SMIM3: variants seen among roughly 807,000 people sequenced by gnomAD.
SMIM3 encodes NGF-induced differentiation clone 67 protein.
A neutral mutation model predicts 2.1 loss-of-function variants in SMIM3; 4 were observed. The observed-to-expected ratio is 1.89, with a 90% CI of 0.93 to 4.31. The LOEUF (loss-of-function observed/expected upper bound fraction) is 4.31. SMIM3 is among the 30% of genes most tolerant of loss of function. The pLI, the probability that SMIM3 is intolerant of heterozygous loss-of-function variation, is 0.01. For missense variants in SMIM3, 79 were observed against 77.7 expected (o/e 1.02, Z -0.06); for synonymous variants, 29 against 30.8 (o/e 0.94, Z 0.19).
At chr5:150,787,531 C>A (rs886530893) in intron 1 of SMIM3, among the ~76,000 whole-genome samples, 3 of 152,068 alleles carry the variant, frequency 2.0e-5, no homozygotes, top group African/African-American at 7.2e-5. Flanking sequence ...TCTGTGTGGA[C>A]TCTTTGGAGG....
chr5:150,795,834 G>C lies in SMIM3; in HGVS notation c.*211G>C, dbSNP rs1753399361. On this transcript the variant is annotated 3_prime_UTR_variant, in exon 2 of 2. Coordinates refer to ENST00000526627, the MANE Select transcript of SMIM3 (RefSeq NM_032947.5). ...CTTTCAAATGGGGATGGTGATCCCT[G>C]CCCTTTCTACCTCATAGGGATGTGA... is the stretch of plus-strand genomic sequence containing the variant. 1.7e-6 allele frequency: 1 copy of C among 589,304 alleles called. No homozygotes were observed. The highest frequency in any genetic ancestry group is 3.0e-6 in the Non-Finnish European group (1 of 333,976). 36.5% of individuals were successfully genotyped at this position (589,304 alleles called of 1,614,324 possible).
rs1753412699 is a variant in SMIM3, at chr5:150,796,671, G to A, written c.*1048G>A. The A allele has an allele frequency of 6.6e-6, 1 of 152,362 alleles. No individual in the cohort carries two copies. Among genetic ancestry groups the A allele is most frequent in the African/African-American group, 2.4e-5 (1 of 41,458 alleles). 9.4% of individuals were successfully genotyped at this position (152,362 alleles called of 1,614,324 possible). On this transcript the variant is annotated 3_prime_UTR_variant, in exon 2 of 2. Transcript: ENST00000526627. ...CGGGATATTATTGTGTGAAAATGCT[G>A]CTTTTACTTTGATGTGATCTCATTG...
intron 1 of SMIM3, among the ~76,000 whole-genome samples, chr5:150,782,588 C>T (rs1214682890): frequency 6.6e-6 from 1 of 152,130 alleles, no homozygotes; most frequent in Non-Finnish European, 1.5e-5. Context: ...TCTCTTCTGC[C>T]TGGTATGTAC....
intron 1 of SMIM3, among the ~76,000 whole-genome samples, chr5:150,792,191 T>C (rs947319559): frequency 1.3e-5 from 2 of 152,182 alleles, no homozygotes; most frequent in African/African-American, 4.8e-5. Context: ...TAGATAAGAA[T>C]AGGAAATAGG....
chr5:150,794,532 T>C (rs1016627321), intron 1 of SMIM3, among the ~76,000 whole-genome samples: 1 of 152,162 alleles, frequency 6.6e-6, no homozygotes, highest in South Asian at 2.1e-4. Context: ...CTGGATGAGA[T>C]TGGAGTCTAT....
rs552817323 is a variant in SMIM3 at position 150,778,764 on chromosome 5, A to G, written c.-220A>G. 1 of 456,112 alleles carries G rather than the reference A, an allele frequency of 2.2e-6. No homozygotes were observed. Among genetic ancestry groups the G allele is most frequent in the African/African-American group, 2.0e-5 (1 of 49,682 alleles). The allele number at this position is 456,112 out of a possible 1,614,324, so 28.3% of individuals were successfully genotyped here. A position where few individuals can be genotyped will look rare whatever the true frequency, so the allele number is the denominator to read the frequency against. On this transcript the variant is annotated 5_prime_UTR_variant, in exon 1 of 2. Coordinates refer to ENST00000526627, the MANE Select transcript of SMIM3 (RefSeq NM_032947.5). ...GCGGTCCCCAGCAGCCGCGCATTCC[A>G]GAGCCAGCAGCGCGTCCTGGCCGCT...
chr5:150,781,280 G>A (rs544436271), intron 1 of SMIM3, among the ~76,000 whole-genome samples: 77 of 152,332 alleles, frequency 5.1e-4, no homozygotes, highest in Non-Finnish European at 9.7e-4. Context: ...GAAGTTAAGT[G>A]AGAATTTGAT....
At chr5:150,780,330 T>C (rs1031293174) in intron 1 of SMIM3, among the ~76,000 whole-genome samples, 1 of 152,164 alleles carries the variant, frequency 6.6e-6, no homozygotes, top group Non-Finnish European at 1.5e-5. Flanking sequence ...AGCAGCCATC[T>C]AGACACACGC....
At chr5:150,795,398 C>A (rs192257114) in intron 1 of SMIM3, 32 bp from the exon 2 acceptor site, 1 of 1,610,540 alleles carries the variant, frequency 6.2e-7, no homozygotes, top group East Asian at 2.2e-5. Context: ...AGAGAGTACG[C>A]AACAGTGATC....
chr5:150,794,124 C>T (rs937987296), intron 1 of SMIM3, among the ~76,000 whole-genome samples: 1 of 152,100 alleles, frequency 6.6e-6, no homozygotes, highest in Non-Finnish European at 1.5e-5. Context: ...AATGCGATAC[C>T]ACCTTAATCC....
chr5:150,781,253 T>C (rs112924274), intron 1 of SMIM3, among the ~76,000 whole-genome samples: 5 of 152,314 alleles, frequency 3.3e-5, no homozygotes, highest in African/African-American at 1.2e-4. Flanking sequence ...GTCACTTACT[T>C]TCAGGGTGAC....
intron 1 of SMIM3, among the ~76,000 whole-genome samples, chr5:150,794,911 A>G (rs1275459361): frequency 6.6e-6 from 1 of 152,172 alleles, no homozygotes; most frequent in Non-Finnish European, 1.5e-5. Context: ...TCCCAACGAA[A>G]CCACACAGAA....
chr5:150,781,724 A>C (rs1255834431), intron 1 of SMIM3, among the ~76,000 whole-genome samples: 2 of 152,148 alleles, frequency 1.3e-5, no homozygotes, highest in Admixed American at 1.3e-4. Flanking sequence ...ACATTGAGGC[A>C]AGGCACTACC....
chr5:150,784,166 G>A (rs1020990822), intron 1 of SMIM3, among the ~76,000 whole-genome samples: 21 of 152,068 alleles, frequency 1.4e-4, no homozygotes, highest in Non-Finnish European at 1.6e-4. Flanking sequence ...ATTTAGGAAC[G>A]ATGCCGGGTT....
chr5:150,779,027 C>A, intron 1 of SMIM3, 55 bp downstream of exon 1: 1 of 469,448 alleles, frequency 2.1e-6, no homozygotes, highest in Non-Finnish European at 4.4e-6. Context: ...CGGAGCTCTT[C>A]GGATTCGCGA....
At chr5:150,782,207 C>T (rs940254357) in intron 1 of SMIM3, among the ~76,000 whole-genome samples, 4 of 152,184 alleles carry the variant, frequency 2.6e-5, no homozygotes, top group African/African-American at 9.7e-5. Flanking sequence ...CCTGTCCATT[C>T]CTTCCTCTGG....
chr5:150,780,492 A>G (rs554552476), intron 1 of SMIM3, among the ~76,000 whole-genome samples: 4 of 152,216 alleles, frequency 2.6e-5, no homozygotes, highest in Non-Finnish European at 4.4e-5. Flanking sequence ...GTCATGCTTC[A>G]TGAACTCTCC....
In SMIM3 at chr5:150,789,771, T is replaced by A. The variant is rs1346681679; in HGVS notation, c.-11-5659T>A. Among the ~76,000 whole-genome samples, 6 of 152,260 alleles carry A rather than the reference T, an allele frequency of 3.9e-5. No individual in the cohort carries two copies. In the East Asian group the frequency reaches 9.6e-4, roughly 24 times the overall value. ...GCAAAGTTTGTGTGTTATGGTGTAG[T>A]ATTATTTTTAGTTTGAATTGCATAT... is the stretch of plus-strand genomic sequence containing the variant. On this transcript the variant is annotated intron_variant, in intron 1 of 1. Transcript: ENST00000526627.
At chr5:150,779,829 A>AGCCCCCCCCCC (rs1753212584) in intron 1 of SMIM3, among the ~76,000 whole-genome samples, 1 of 111,024 alleles carries the variant, frequency 9.0e-6, no homozygotes, top group Non-Finnish European at 1.9e-5. Flanking sequence ...GAAAGGTGTA[A>AGCCCCCCCCCC]CCCCCCCCGC....
Sources: gnomAD v4.1 joint callset for allele counts (sites outside exome capture counted in the v4.1 genomes callset) on GRCh38, gnomAD v4.1.1 for gene constraint, MANE v1.5 for transcripts, NCBI Gene and HGNC (gene_info 2026-07-23, HGNC 2026-07-21) for gene names.